Variants in DCC observed in about 807,000 individuals in gnomAD.
DCC encodes the protein netrin receptor DCC.
Under a neutral mutation model 172.5 loss-of-function variants are expected in DCC, and 58 were observed. The observed-to-expected ratio is 0.34, with a 90% confidence interval of 0.27 to 0.42. The LOEUF (loss-of-function observed/expected upper bound fraction) is 0.42, where lower values mean the gene tolerates loss of function less well. DCC is among the 10% of genes least tolerant of loss of function. The pLI is 1.00. For missense variants in DCC, 1,740 were observed against 1,791.0 expected (o/e 0.97, Z 0.51); for synonymous variants, 709 against 644.5 (o/e 1.10, Z -1.52).
In DCC at chr18:53,207,786, T is replaced by G; in HGVS notation, c.1830T>G (p.Thr610=). Residue 610 remains threonine (T), a synonymous_variant, in exon 11 of 29, where the codon ACT becomes ACG. Coordinates refer to ENST00000442544, the MANE Select transcript of DCC (RefSeq NM_005215.4). ...ATCGCTATGGTCCGGGCGTCTCTAC[T>G]GATGATATAACAGTGGTTACACTTT... ...AYNRYGPGVS[T]DDITVVTLSD... 2 of 1,613,324 alleles carry G rather than the reference T, an allele frequency of 1.2e-6. No individual in the cohort carries two copies. The highest frequency in any genetic ancestry group is 1.7e-6 in the Non-Finnish European group (2 of 1,179,282).
intron 7 of DCC, among the ~76,000 whole-genome samples, chr18:53,133,253 G>C (rs2043685051): frequency 6.6e-6 from 1 of 152,188 alleles, no homozygotes; most frequent in Non-Finnish European, 1.5e-5. Context: ...GGAATACCCA[G>C]ATGAAGCCTA....
intron 2 of DCC, among the ~76,000 whole-genome samples, chr18:52,821,114 A>G (rs547792144): frequency 1.3e-4 from 20 of 152,224 alleles, no homozygotes; most frequent in South Asian, 6.2e-4. Context: ...CTTATCTACT[A>G]CATTCATTTT....
intron 3 of DCC, among the ~76,000 whole-genome samples, chr18:52,922,255 C>T (rs1237301127): frequency 2.0e-5 from 3 of 152,074 alleles, no homozygotes; most frequent in African/African-American, 4.8e-5. Context: ...AATTTTATTT[C>T]TCCACGCAAA....
At chr18:52,701,173 A>G (rs1024868119) in intron 1 of DCC, among the ~76,000 whole-genome samples, 2 of 152,236 alleles carry the variant, frequency 1.3e-5, no homozygotes, top group Non-Finnish European at 2.9e-5. Context: ...GTATTAAAAA[A>G]TCTTTCCAAG....
rs1032072071 is a variant in DCC at position 53,190,110 on chromosome 18, G to C, written c.1573+10994G>C. 2.2e-4 allele frequency among the ~76,000 whole-genome samples: 33 copies of C among 152,074 alleles called. 1 individual carries two copies. Among genetic ancestry groups the C allele is most frequent in the Admixed American group, 1.8e-3 (27 of 15,270 alleles). On this transcript the variant is annotated intron_variant, in intron 9 of 28. Transcript: ENST00000442544. The stretch of plus-strand genomic sequence containing the variant: ...CCCGGCTAATTTTGTATATTTAGCA[G>C]ACACCAGGTTTCTCCATGTTGGTCA...
At chr18:52,509,145 A>G (rs1473715802) in intron 1 of DCC, among the ~76,000 whole-genome samples, 2 of 152,240 alleles carry the variant, frequency 1.3e-5, no homozygotes, top group East Asian at 1.9e-4. Context: ...AATATTTCCA[A>G]TGAAAATTTT....
intron 1 of DCC, among the ~76,000 whole-genome samples, chr18:52,384,354 G>T (rs1348283931): frequency 1.3e-5 from 2 of 152,202 alleles, no homozygotes; most frequent in East Asian, 1.9e-4. Flanking sequence ...GAATCATTTT[G>T]TTCCCTTTAT....
At chr18:52,791,428 A>T in intron 2 of DCC, among the ~76,000 whole-genome samples, 1 of 151,892 alleles carries the variant, frequency 6.6e-6, no homozygotes, top group East Asian at 1.9e-4. Flanking sequence ...CCAGAGTGGA[A>T]AGGAAGACAG....
In DCC at chr18:53,245,144, C is replaced by A. The variant is rs898428334; in HGVS notation, c.1911+29547C>A. 3.3e-5 allele frequency among the ~76,000 whole-genome samples: 5 copies of A among 152,058 alleles called. No homozygotes were observed. The South Asian group carries it at 1.0e-3, about 31-fold the overall frequency. ...AAGAAATCTAAGAATTCACCTAATT[C>A]ACCCCCTATATTTTTGCAGAAAAGA... On this transcript the variant is annotated intron_variant, in intron 12 of 28. Coordinates refer to ENST00000442544, the MANE Select transcript of DCC (RefSeq NM_005215.4).
intron 1 of DCC, among the ~76,000 whole-genome samples, chr18:52,645,531 AAT>A (rs1395237342): frequency 6.6e-6 from 1 of 152,208 alleles, no homozygotes; most frequent in African/African-American, 2.4e-5. Context: ...AAACAAAAGA[AAT>A]AGAAAGTCTT....
chr18:52,345,119 A>G (rs1598849851), intron 1 of DCC, among the ~76,000 whole-genome samples: 2 of 152,342 alleles, frequency 1.3e-5, no homozygotes, highest in Non-Finnish European at 2.9e-5. Flanking sequence ...ACCCAGCTAT[A>G]CATTTTTGAA....
intron 1 of DCC, among the ~76,000 whole-genome samples, chr18:52,450,349 T>G (rs11082925): frequency 0.58 from 88,576 of 151,976 alleles, 25,917 homozygotes; most frequent in Middle Eastern, 0.66. Flanking sequence ...CCTTTCCAGT[T>G]TATTCAGTAA....
rs1181908622 is a variant in DCC, at chr18:52,677,490, T to C, written c.92-74564T>C. The stretch of plus-strand genomic sequence containing the variant: ...GTTCTGTGATGCTTCTTTTTTTATA[T>C]ATATTTTTTATTATTATTGTTTCTA... On this transcript the variant is annotated intron_variant, in intron 1 of 28. Coordinates refer to ENST00000442544, the MANE Select transcript of DCC (RefSeq NM_005215.4). Among the ~76,000 whole-genome samples the C allele has an allele frequency of 5.3e-5, 8 of 152,026 alleles. 1 individual carries two copies. Among genetic ancestry groups the C allele is most frequent in the Admixed American group, 4.6e-4 (7 of 15,272 alleles).
chr18:52,340,734 G>C lies in DCC; in HGVS notation c.-54G>C. Reference sequence around the variant, plus strand: ...TGTGCATGCGTGTGTGAGTGCATGTGTGTGAGTGCTGCCGCTGCCCGCGAC... The same window carrying C: ...TGTGCATGCGTGTGTGAGTGCATGTCTGTGAGTGCTGCCGCTGCCCGCGAC... On this transcript the variant is annotated 5_prime_UTR_variant, in exon 1 of 29. Coordinates refer to ENST00000442544, the MANE Select transcript of DCC (RefSeq NM_005215.4). 7.6e-7 allele frequency: 1 copy of C among 1,311,272 alleles called. No individual in the cohort carries two copies. Among genetic ancestry groups the C allele is most frequent in the Non-Finnish European group, 1.1e-6 (1 of 904,544 alleles). 81.2% of individuals were successfully genotyped at this position (1,311,272 alleles called of 1,614,324 possible). A position where few individuals can be genotyped will look rare whatever the true frequency, so the allele number is the denominator to read the frequency against.
At chr18:53,423,012 G>A (rs1910718433) in intron 21 of DCC, among the ~76,000 whole-genome samples, 1 of 152,060 alleles carries the variant, frequency 6.6e-6, no homozygotes, top group Non-Finnish European at 1.5e-5. Context: ...GGAGTGTTAA[G>A]GTGCTTATCA....
At chr18:53,370,899 T>C (rs765806895) in intron 15 of DCC, among the ~76,000 whole-genome samples, 2 of 151,836 alleles carry the variant, frequency 1.3e-5, no homozygotes, top group African/African-American at 2.4e-5. Context: ...TATCTTATGA[T>C]TCATGCTTAA....
intron 2 of DCC, among the ~76,000 whole-genome samples, chr18:52,874,387 T>C (rs188130876): frequency 6.6e-6 from 1 of 152,348 alleles, no homozygotes; most frequent in East Asian, 1.9e-4. Context: ...TACGGACTTC[T>C]TTATAATCAA....
chr18:53,366,340 A>T (rs2058004761), intron 15 of DCC, among the ~76,000 whole-genome samples: 1 of 152,102 alleles, frequency 6.6e-6, no homozygotes, highest in African/African-American at 2.4e-5. Flanking sequence ...GAGCCACCAC[A>T]CCCAGCCCTT....
chr18:53,415,844 T>A (rs900399672), intron 20 of DCC, among the ~76,000 whole-genome samples: 1 of 152,098 alleles, frequency 6.6e-6, no homozygotes, highest in Admixed American at 6.6e-5. Flanking sequence ...TAGTTTTAAT[T>A]AAATTTATAT....
Sources: allele counts gnomAD v4.1 joint callset (sites outside exome capture counted in the v4.1 genomes callset), GRCh38; gene constraint gnomAD v4.1.1; transcripts MANE v1.5; gene names NCBI Gene and HGNC (gene_info 2026-07-23, HGNC 2026-07-21).